NKAIN3: variants seen among roughly 807,000 people sequenced by gnomAD.
NKAIN3 encodes the protein sodium/potassium-transporting ATPase subunit beta-1-interacting protein 3.
NKAIN3 carries 25 observed loss-of-function variants against 30.2 expected under a neutral mutation model. The ratio of observed to expected loss-of-function variants is 0.83; its 90% confidence interval spans 0.60 to 1.16. The LOEUF (loss-of-function observed/expected upper bound fraction) is 1.16, where lower values mean the gene tolerates loss of function less well. Among genes scored for constraint, NKAIN3 ranks in the 50% most tolerant of loss-of-function variants. NKAIN3 has a pLI of 0.00. For synonymous variants in NKAIN3, 91 were observed against 89.6 expected (o/e 1.02, Z -0.09); for missense variants, 225 against 254.1 (o/e 0.89, Z 0.78).
intron 4 of NKAIN3, among the ~76,000 whole-genome samples, chr8:62,833,310 A>G (rs1281862075): frequency 6.6e-6 from 1 of 152,066 alleles, no homozygotes; most frequent in East Asian, 1.9e-4. Flanking sequence ...CTAGCAGAAG[A>G]AAATGAATAA....
chr8:62,281,620 A>G lies in NKAIN3; in HGVS notation c.54+32493A>G, dbSNP rs1281686790. 7.9e-5 allele frequency among the ~76,000 whole-genome samples: 12 copies of G among 152,012 alleles called. 1 individual carries two copies. Among genetic ancestry groups the G allele is most frequent in the Non-Finnish European group, 2.9e-5 (2 of 68,000 alleles). On this transcript the variant is annotated intron_variant, in intron 1 of 6. Coordinates refer to ENST00000623646, the MANE Select transcript of NKAIN3 (RefSeq NM_001304533.3). ...AAAGAACATCTTTATTTCTAGCTTC[A>G]TTTCGTCATGTACCCAGTAGTCATT...
At chr8:62,274,367 A>G (rs1487342568) in intron 1 of NKAIN3, among the ~76,000 whole-genome samples, 7 of 152,064 alleles carry the variant, frequency 4.6e-5, no homozygotes, top group Admixed American at 4.6e-4. Context: ...AGTTGGGTGT[A>G]GTCTATGATC....
At chr8:62,469,216 A>C (rs967799073) in intron 1 of NKAIN3, among the ~76,000 whole-genome samples, 5 of 152,184 alleles carry the variant, frequency 3.3e-5, no homozygotes, top group African/African-American at 9.7e-5. Flanking sequence ...ATTCCCTAGG[A>C]ATAGATTCTA....
At chr8:62,657,799 T>G (rs1038120337) in intron 3 of NKAIN3, among the ~76,000 whole-genome samples, 1 of 152,160 alleles carries the variant, frequency 6.6e-6, no homozygotes, top group Non-Finnish European at 1.5e-5. Context: ...TCTATTCTGG[T>G]TTTTGCTCTT....
chr8:62,340,986 C>T (rs1236770862), intron 1 of NKAIN3, among the ~76,000 whole-genome samples: 1 of 152,030 alleles, frequency 6.6e-6, no homozygotes, highest in Non-Finnish European at 1.5e-5. Flanking sequence ...TTATGTGCTG[C>T]CCATTAAAGT....
intron 4 of NKAIN3, among the ~76,000 whole-genome samples, chr8:62,813,970 T>C (rs1187042805): frequency 6.6e-6 from 1 of 152,100 alleles, no homozygotes; most frequent in East Asian, 1.9e-4. Flanking sequence ...CATCTCATTC[T>C]GTCCAGGTCT....
intron 1 of NKAIN3, among the ~76,000 whole-genome samples, chr8:62,400,459 A>G (rs1181624903): frequency 6.6e-6 from 1 of 152,170 alleles, no homozygotes; most frequent in East Asian, 1.9e-4. Flanking sequence ...GGCATGAGTC[A>G]TGACACCTGG....
At chr8:62,368,175 G>T (rs2129593024) in intron 1 of NKAIN3, among the ~76,000 whole-genome samples, 1 of 152,104 alleles carries the variant, frequency 6.6e-6, no homozygotes, top group African/African-American at 2.4e-5. Flanking sequence ...CACTACAATT[G>T]CTGTCAAAAT....
At chr8:62,362,792 G>A (rs770333516) in intron 1 of NKAIN3, among the ~76,000 whole-genome samples, 64 of 152,300 alleles carry the variant, frequency 4.2e-4, no homozygotes, top group Admixed American at 1.2e-3. Context: ...CTCATGGTCA[G>A]AACAAATTTA....
At chr8:62,728,006 A>G (rs1815314807) in intron 3 of NKAIN3, among the ~76,000 whole-genome samples, 1 of 152,228 alleles carries the variant, frequency 6.6e-6, no homozygotes, top group Admixed American at 6.5e-5. Flanking sequence ...TAACTATATT[A>G]TATGGGTCTA....
intron 3 of NKAIN3, among the ~76,000 whole-genome samples, chr8:62,719,295 A>G (rs192417295): frequency 1.8e-4 from 28 of 152,322 alleles, no homozygotes; most frequent in African/African-American, 6.7e-4. Flanking sequence ...CTCTCATCTC[A>G]TAAGTCCAAA....
intron 1 of NKAIN3, among the ~76,000 whole-genome samples, chr8:62,555,654 T>G (rs1809364458): frequency 6.6e-6 from 1 of 152,040 alleles, no homozygotes; most frequent in South Asian, 2.1e-4. Flanking sequence ...AGGATAAGTG[T>G]AAATGTTTAA....
chr8:62,480,532 T>TA (rs59515372), intron 1 of NKAIN3, among the ~76,000 whole-genome samples: 41 of 137,522 alleles, frequency 3.0e-4, no homozygotes, highest in East Asian at 1.7e-3. Context: ...ATGTTTGGAT[T>TA]AAAAAAAAAA....
At chr8:62,579,823 T>A (rs1810236924) in intron 2 of NKAIN3, 147 bp downstream of exon 2, 1 of 442,166 alleles carries the variant, frequency 2.3e-6, no homozygotes, top group Admixed American at 4.2e-5. Context: ...TAAGAAGTGA[T>A]TATCTGTGGA....
intron 3 of NKAIN3, among the ~76,000 whole-genome samples, chr8:62,602,634 G>C (rs1811013442): frequency 6.6e-6 from 1 of 152,024 alleles, no homozygotes. Flanking sequence ...TTTAGGCCTT[G>C]ACCTCTCCCT....
At chr8:62,438,102 G>A (rs1805223954) in intron 1 of NKAIN3, among the ~76,000 whole-genome samples, 1 of 152,120 alleles carries the variant, frequency 6.6e-6, no homozygotes, top group African/African-American at 2.4e-5. Flanking sequence ...GCGCAGAGCG[G>A]GGCAGCTGTG....
At chr8:62,956,036 A>T (rs1386715613) in intron 6 of NKAIN3, among the ~76,000 whole-genome samples, 1 of 152,222 alleles carries the variant, frequency 6.6e-6, no homozygotes, top group Non-Finnish European at 1.5e-5. Context: ...TAAAAATCAA[A>T]CTAAGACTGA....
In NKAIN3 at chr8:62,854,527, C is replaced by CTTCTG. The variant is rs368429373; in HGVS notation, c.472-63921_472-63917dup. Reference sequence around the variant, plus strand: ...AAACTTGGATTGCAACTCCTGCTTTCTTCTGTTCTCCATTTGCTCAGTAAA... The same window carrying CTTCTG: ...AAACTTGGATTGCAACTCCTGCTTTCTTCTGTTCTGTTCTCCATTTGCTCAGTAAA... On this transcript the variant is annotated intron_variant, in intron 4 of 6. Coordinates refer to ENST00000623646, the MANE Select transcript of NKAIN3 (RefSeq NM_001304533.3). Among the ~76,000 whole-genome samples the CTTCTG allele has an allele frequency of 2.5e-3, 375 of 152,272 alleles. 3 individuals are homozygous for CTTCTG. Among genetic ancestry groups the CTTCTG allele is most frequent in the Middle Eastern group, 6.8e-3 (2 of 294 alleles).
intron 1 of NKAIN3, among the ~76,000 whole-genome samples, chr8:62,349,411 G>A (rs569703483): frequency 7.9e-5 from 12 of 152,244 alleles, no homozygotes; most frequent in African/African-American, 2.4e-4. Flanking sequence ...GTAAAGGTTA[G>A]AACTAGATAT....
Sources: gnomAD v4.1 joint callset for allele counts (sites outside exome capture counted in the v4.1 genomes callset) on GRCh38, gnomAD v4.1.1 for gene constraint, MANE v1.5 for transcripts, NCBI Gene and HGNC (gene_info 2026-07-23, HGNC 2026-07-21) for gene names.